The following AFF3 variants were observed in gnomAD, a reference collection of about 807,000 sequenced individuals.
AFF3 encodes AF4/FMR2 family member 3.
In AFF3, 32 loss-of-function variants were observed where a neutral mutation model predicts 129.7. That is an observed-to-expected ratio of 0.25 (90% confidence interval 0.19 to 0.33). The LOEUF is 0.33. AFF3 is among the 10% of genes least tolerant of loss of function. AFF3 has a pLI of 1.00. For synonymous variants in AFF3, 644 were observed against 635.4 expected (o/e 1.01, Z -0.20); for missense variants, 1,373 against 1,592.0 (o/e 0.86, Z 2.34).
At chr2:99,955,338 C>T (rs1379230606) in intron 7 of AFF3, among the ~76,000 whole-genome samples, 1 of 152,038 alleles carries the variant, frequency 6.6e-6, no homozygotes, top group Non-Finnish European at 1.5e-5. Context: ...ATAATTATTC[C>T]AAGGCAGCAA....
chr2:99,795,848 A>G (rs548093100), intron 8 of AFF3, among the ~76,000 whole-genome samples: 1 of 152,118 alleles, frequency 6.6e-6, no homozygotes, highest in East Asian at 1.9e-4. Context: ...ACCTCATGCT[A>G]TTCTATTAAT....
chr2:100,037,461 TA>T (rs1418335959), intron 4 of AFF3, among the ~76,000 whole-genome samples: 1 of 115,814 alleles, frequency 8.6e-6, no homozygotes, highest in Non-Finnish European at 1.7e-5. Flanking sequence ...TATTTATATA[TA>T]AATATATATT....
chr2:99,983,983 A>C (rs1255662433), intron 7 of AFF3, among the ~76,000 whole-genome samples: 2 of 152,188 alleles, frequency 1.3e-5, no homozygotes, highest in Admixed American at 1.3e-4. Context: ...ATTTTACATA[A>C]AACAAAAAAT....
intron 8 of AFF3, among the ~76,000 whole-genome samples, chr2:99,760,443 T>C (rs1682477839): frequency 6.6e-6 from 1 of 152,208 alleles, no homozygotes; most frequent in African/African-American, 2.4e-5. Flanking sequence ...AAAATGTATT[T>C]CATTTGCACC....
chr2:99,625,991 G>C (rs1337075081), intron 13 of AFF3, among the ~76,000 whole-genome samples: 2 of 152,184 alleles, frequency 1.3e-5, no homozygotes, highest in Non-Finnish European at 2.9e-5. Context: ...TCTATAAAAA[G>C]AAATGTCCCA....
intron 8 of AFF3, among the ~76,000 whole-genome samples, chr2:99,771,766 G>A (rs951760332): frequency 3.3e-5 from 5 of 152,106 alleles, no homozygotes; most frequent in African/African-American, 4.8e-5. Flanking sequence ...AGGAAGTGAC[G>A]TATTTCTAAA....
At chr2:99,942,257 C>T (rs1675120065) in intron 7 of AFF3, among the ~76,000 whole-genome samples, 1 of 152,174 alleles carries the variant, frequency 6.6e-6, no homozygotes. Context: ...CAGTAAGATG[C>T]ATGCAGTGCA....
At chr2:100,131,778 C>CACAG (rs1308292167) in intron 1 of AFF3, among the ~76,000 whole-genome samples, 6 of 152,174 alleles carry the variant, frequency 3.9e-5, no homozygotes, top group Non-Finnish European at 8.8e-5. Context: ...GTGTGTCATA[C>CACAG]ATGGCATTAG....
intron 7 of AFF3, among the ~76,000 whole-genome samples, chr2:99,986,734 T>C (rs17436997): frequency 0.056 from 8,487 of 152,312 alleles, 333 homozygotes; most frequent in Non-Finnish European, 0.084. Context: ...AGGAAGATCA[T>C]GCCTATTCAA....
intron 4 of AFF3, among the ~76,000 whole-genome samples, chr2:100,055,282 T>TA (rs1686672014): frequency 1.3e-5 from 2 of 152,064 alleles, no homozygotes; most frequent in African/African-American, 4.8e-5. Flanking sequence ...CCCTGTCATC[T>TA]AAAGAACCAT....
chr2:100,040,229 A>C (rs550514182), intron 4 of AFF3, among the ~76,000 whole-genome samples: 1 of 152,224 alleles, frequency 6.6e-6, no homozygotes, highest in African/African-American at 2.4e-5. Context: ...CTACCCTGTT[A>C]GACTGCAATC....
intron 7 of AFF3, among the ~76,000 whole-genome samples, chr2:99,926,794 G>T (rs1179706115): frequency 1.3e-5 from 2 of 152,096 alleles, no homozygotes; most frequent in Non-Finnish European, 2.9e-5. Flanking sequence ...CAAGGCTTCT[G>T]TTGACCTCTT....
At chr2:99,756,857 G>C (rs185881705) in intron 8 of AFF3, among the ~76,000 whole-genome samples, 1 of 152,164 alleles carries the variant, frequency 6.6e-6, no homozygotes, top group Non-Finnish European at 1.5e-5. Context: ...ATGTGTGTGT[G>C]TAAGCTTAAG....
At chr2:99,756,273 G>C (rs1442722974) in intron 8 of AFF3, among the ~76,000 whole-genome samples, 1 of 152,224 alleles carries the variant, frequency 6.6e-6, no homozygotes, top group Non-Finnish European at 1.5e-5. Context: ...CATGTGGCTT[G>C]GGCAATCCTT....
intron 13 of AFF3, among the ~76,000 whole-genome samples, chr2:99,626,119 T>C (rs955737804): frequency 4.6e-5 from 7 of 152,160 alleles, no homozygotes; most frequent in African/African-American, 9.7e-5. Context: ...CATTAGAAGA[T>C]GTTATTTTAT....
chr2:99,750,846 C>T (rs1043977402), intron 9 of AFF3, among the ~76,000 whole-genome samples: 1 of 152,192 alleles, frequency 6.6e-6, no homozygotes, highest in Non-Finnish European at 1.5e-5. Context: ...GTAATAATAA[C>T]AAGCCATACA....
chr2:100,141,000 T>C (rs565610888), intron 1 of AFF3, among the ~76,000 whole-genome samples: 62 of 151,952 alleles, frequency 4.1e-4, no homozygotes, highest in African/African-American at 1.5e-3. Flanking sequence ...ATGATGATGA[T>C]GACAATGATA....
chr2:99,628,123 G>T (rs1682771900), intron 13 of AFF3, among the ~76,000 whole-genome samples: 1 of 152,172 alleles, frequency 6.6e-6, no homozygotes, highest in Non-Finnish European at 1.5e-5. Flanking sequence ...GTAGTTTAAT[G>T]GGAATAACAC....
Position 99,928,373 on chromosome 2 carries a change from A to G in AFF3, c.873+78259T>C, listed in dbSNP as rs1485632967. ...TTAAGCCAGGGATTCTTCCTTGAAT[A>G]CAAGTTCAAGGAAGCTTGAACTTGT... On this transcript the variant is annotated intron_variant, in intron 7 of 24. Coordinates refer to ENST00000672756, the MANE Select transcript of AFF3 (RefSeq NM_001386135.1). Among the ~76,000 whole-genome samples, 4 of 152,288 alleles carry G rather than the reference A, an allele frequency of 2.6e-5. No individual in the cohort carries two copies. The East Asian group carries it at 7.7e-4, about 29-fold the overall frequency.
Sources: gnomAD v4.1 joint callset for allele counts (sites outside exome capture counted in the v4.1 genomes callset) on GRCh38, gnomAD v4.1.1 for gene constraint, MANE v1.5 for transcripts, NCBI Gene and HGNC (gene_info 2026-07-23, HGNC 2026-07-21) for gene names.